The following USP46 variants were observed in gnomAD, a reference collection of about 807,000 sequenced individuals.
USP46 encodes ubiquitin specific peptidase 46.
USP46 carries 12 observed loss-of-function variants against 44.4 expected under a neutral mutation model. The observed-to-expected ratio is 0.27, with a 90% CI of 0.17 to 0.44. The LOEUF is 0.44. USP46 is among the 20% of genes least tolerant of loss of function. The probability of loss-of-function intolerance (pLI) is 1.00; values close to 1 mark genes in which losing one functional copy is unlikely to be tolerated. For missense variants in USP46, 248 were observed against 444.8 expected, an observed-to-expected ratio of 0.56 and a Z score of 3.98; for synonymous variants, 155 against 161.5, an observed-to-expected ratio of 0.96 and a Z score of 0.31.
At chr4:52,605,278 T>C (rs1383388936) in intron 5 of USP46, among the ~76,000 whole-genome samples, 3 of 152,186 alleles carry the variant, frequency 2.0e-5, no homozygotes, top group South Asian at 2.1e-4. Context: ...GTGTTTGTCA[T>C]ATGTGTATCT....
chr4:52,591,502 G>A lies in USP46; in HGVS notation c.*6138C>T, dbSNP rs974081637. 1 of 152,154 alleles carries A rather than the reference G, an allele frequency of 6.6e-6. No individual in the cohort carries two copies. Among genetic ancestry groups the A allele is most frequent in the Admixed American group, 6.5e-5 (1 of 15,270 alleles). The allele number at this position is 152,154 out of a possible 1,614,324, so 9.4% of individuals were successfully genotyped here. On this transcript the variant is annotated 3_prime_UTR_variant, in exon 9 of 9. Transcript: ENST00000441222. ...ACCTCACTCTTTCTCTCACTCTTGG[G>A]AAAGAAAAAAGTGAAAGATGCATCC...
At chr4:52,658,372 C>T in intron 1 of USP46, 1 of 427,932 alleles carries the variant, frequency 2.3e-6, no homozygotes, top group Non-Finnish European at 4.7e-6. Flanking sequence ...AGTGATGTCC[C>T]TGGCTGTATC....
chr4:52,640,386 A>G (rs374554130), intron 1 of USP46, among the ~76,000 whole-genome samples: 22 of 152,310 alleles, frequency 1.4e-4, no homozygotes, highest in African/African-American at 5.3e-4. Flanking sequence ...TTGAAAGAAG[A>G]CTTGAGAGAT....
At chr4:52,649,743 C>A (rs940369465) in intron 1 of USP46, among the ~76,000 whole-genome samples, 12 of 152,326 alleles carry the variant, frequency 7.9e-5, no homozygotes, top group Admixed American at 2.6e-4. Context: ...TGAGCACCAA[C>A]CACATATGTG....
intron 1 of USP46, among the ~76,000 whole-genome samples, chr4:52,654,959 G>A (rs189917045): frequency 1.1e-3 from 164 of 152,264 alleles, no homozygotes; most frequent in Non-Finnish European, 1.1e-3. Context: ...AAGGTCTCCG[G>A]AAATACAACA....
At position 52,593,850 on chromosome 4, in the gene USP46, G is replaced by A. The variant is rs572997634; in HGVS notation, c.*3790C>T. On this transcript the variant is annotated 3_prime_UTR_variant, in exon 9 of 9. Transcript: ENST00000441222. ...TCCCCAAAAATAAATTCACTGTGAT[G>A]CCTAGTTAACTATCCCTAAATTCTT... The A allele has an allele frequency of 4.6e-5, 7 of 152,362 alleles. No homozygotes were observed. The highest frequency in any genetic ancestry group is 1.4e-4 in the African/African-American group (6 of 41,592). The allele number at this position is 152,362 out of a possible 1,614,324, so 9.4% of individuals were successfully genotyped here. A position where few individuals can be genotyped will look rare whatever the true frequency, so the allele number is the denominator to read the frequency against.
Position 52,597,774 on chromosome 4 carries a change from A to G in USP46, c.1000-33T>C, listed in dbSNP as rs747756515. On this transcript the variant is annotated intron_variant, in intron 8 of 8. Coordinates refer to ENST00000441222, the MANE Select transcript of USP46 (RefSeq NM_022832.4). ...AAAGGAGAAAGAAAACAACACAATT[A>G]CTTAACATGATTCCTGGGGAAAGGA... 9 of 1,422,422 alleles carry G rather than the reference A, an allele frequency of 6.3e-6. No homozygotes were observed. In the African/African-American group the frequency reaches 1.1e-4, roughly 18 times the overall value. 88.1% of individuals were successfully genotyped at this position (1,422,422 alleles called of 1,614,324 possible).
chr4:52,605,558 A>C (rs1257103685), intron 5 of USP46, among the ~76,000 whole-genome samples: 1 of 152,264 alleles, frequency 6.6e-6, no homozygotes, highest in African/African-American at 2.4e-5. Context: ...TACACAGAAC[A>C]CATCAAAAGA....
chr4:52,607,301 AC>A (rs990868185), intron 5 of USP46, among the ~76,000 whole-genome samples: 3 of 152,104 alleles, frequency 2.0e-5, no homozygotes, highest in Non-Finnish European at 4.4e-5. Context: ...GAAGGCGAGG[AC>A]CCCAGCAGTA....
At chr4:52,644,323 G>A (rs1718456713) in intron 1 of USP46, among the ~76,000 whole-genome samples, 1 of 152,100 alleles carries the variant, frequency 6.6e-6, no homozygotes, top group African/African-American at 2.4e-5. Context: ...GCTTCAACAG[G>A]GAAAGCAATC....
chr4:52,609,528 T>C (rs1478373221), intron 5 of USP46, among the ~76,000 whole-genome samples: 1 of 152,192 alleles, frequency 6.6e-6, no homozygotes, highest in Non-Finnish European at 1.5e-5. Context: ...TGCATCTTTC[T>C]CCTGCACGTC....
At position 52,592,587 on chromosome 4, in the gene USP46, C is replaced by T; in HGVS notation, c.*5053G>A. 1 of 285,438 alleles carries T rather than the reference C, an allele frequency of 3.5e-6. No homozygotes were observed. The highest frequency in any genetic ancestry group is 6.4e-6 in the Non-Finnish European group (1 of 155,270). 17.7% of individuals were successfully genotyped at this position (285,438 alleles called of 1,614,324 possible). On this transcript the variant is annotated 3_prime_UTR_variant, in exon 9 of 9. Transcript: ENST00000441222. The stretch of plus-strand genomic sequence containing the variant: ...CCCCAGCCGAGCAAGGTGGCTCTTG[C>T]CTGTAATCCCAGCACTTTGGGAGGC...
chr4:52,616,452 A>C (rs1000863150), intron 4 of USP46, among the ~76,000 whole-genome samples: 1 of 152,140 alleles, frequency 6.6e-6, no homozygotes, highest in Non-Finnish European at 1.5e-5. Context: ...AGCTCACTGC[A>C]ACCTCCGCCA....
chr4:52,609,019 C>G (rs1295929864), intron 5 of USP46, among the ~76,000 whole-genome samples: 9 of 152,114 alleles, frequency 5.9e-5, no homozygotes, highest in Non-Finnish European at 1.3e-4. Flanking sequence ...TTGCCTGAGG[C>G]CACCCCTAAA....
intron 4 of USP46, among the ~76,000 whole-genome samples, chr4:52,617,586 CA>C (rs1429741142): frequency 6.6e-6 from 1 of 152,170 alleles, no homozygotes; most frequent in African/African-American, 2.4e-5. Flanking sequence ...AAACATGGCG[CA>C]AAAGCTTTCC....
At chr4:52,603,643 A>G (rs1038447405) in intron 6 of USP46, among the ~76,000 whole-genome samples, 4 of 152,138 alleles carry the variant, frequency 2.6e-5, no homozygotes, top group African/African-American at 9.7e-5. Flanking sequence ...TGTGCAGGAA[A>G]GGTGGTGCAA....
intron 1 of USP46, among the ~76,000 whole-genome samples, chr4:52,638,297 G>C (rs2109650198): frequency 6.6e-6 from 1 of 152,132 alleles, no homozygotes; most frequent in African/African-American, 2.4e-5. Context: ...CCTTGAAGAG[G>C]GAAGAAGGAG....
chr4:52,638,374 G>A (rs376032535), intron 1 of USP46, among the ~76,000 whole-genome samples: 2 of 152,206 alleles, frequency 1.3e-5, no homozygotes, highest in Admixed American at 6.5e-5. Flanking sequence ...TTCTCCCCTA[G>A]AGCCTCTGGA....
chr4:52,616,184 TG>T (rs1310305797), intron 4 of USP46, among the ~76,000 whole-genome samples: 2 of 152,232 alleles, frequency 1.3e-5, no homozygotes, highest in Non-Finnish European at 2.9e-5. Context: ...TTCTCAATGT[TG>T]TATCTTGGGA....
Sources: allele counts gnomAD v4.1 joint callset (sites outside exome capture counted in the v4.1 genomes callset), GRCh38; gene constraint gnomAD v4.1.1; transcripts MANE v1.5; gene names NCBI Gene and HGNC (gene_info 2026-07-23, HGNC 2026-07-21).